The following C20orf203 variants were observed in gnomAD, a reference collection of about 807,000 sequenced individuals.
C20orf203 encodes uncharacterized protein C20orf203.
A neutral mutation model predicts 15.9 loss-of-function variants in C20orf203; 16 were observed. The observed-to-expected ratio is 1.01, with a 90% CI of 0.68 to 1.53. C20orf203 has a LOEUF of 1.53. Ranked by LOEUF, C20orf203 falls within the 40% of genes most tolerant of loss-of-function variation. The probability of loss-of-function intolerance (pLI) is 0.00; values close to 1 mark genes in which losing one functional copy is unlikely to be tolerated. For missense variants in C20orf203, 263 were observed against 247.5 expected (o/e 1.06, Z -0.42); for synonymous variants, 98 against 97.2 (o/e 1.01, Z -0.05).
intron 5 of C20orf203, among the ~76,000 whole-genome samples, chr20:32,636,828 A>T (rs1445706721): frequency 2.6e-5 from 4 of 152,096 alleles, no homozygotes; most frequent in Non-Finnish European, 4.4e-5. Context: ...TGACCCATTC[A>T]TCCTGGTCTG....
intron 4 of C20orf203, among the ~76,000 whole-genome samples, chr20:32,641,108 C>G (rs1046068744): frequency 6.6e-6 from 1 of 151,926 alleles, no homozygotes; most frequent in African/African-American, 2.4e-5. Context: ...TGCTTGAGGC[C>G]AGGAGTTCGA....
At chr20:32,666,977 T>G (rs1378959936) in intron 1 of C20orf203, among the ~76,000 whole-genome samples, 1 of 151,448 alleles carries the variant, frequency 6.6e-6, no homozygotes, top group African/African-American at 2.4e-5. Context: ...CCAATGTAAC[T>G]AAAATATTAT....
In C20orf203 at chr20:32,664,450, G is replaced by T. The variant is rs78809608; in HGVS notation, c.-264+9182C>A. On this transcript the variant is annotated intron_variant, in intron 1 of 5. Coordinates refer to ENST00000608990, the MANE Select transcript of C20orf203 (RefSeq NM_182584.4). ...AGAACACTGCCCTCACGTCCTTCCAGCCCCAGCCCTGCCACCCCACCTTGG... is the reference window on the plus strand; with the variant it reads ...AGAACACTGCCCTCACGTCCTTCCATCCCCAGCCCTGCCACCCCACCTTGG... Among the ~76,000 whole-genome samples the T allele has an allele frequency of 9.0e-3, 1,373 of 152,288 alleles. 53 individuals carry two copies. The East Asian group carries it at 0.13, about 14-fold the overall frequency.
At chr20:32,668,122 C>T (rs1568756548) in intron 1 of C20orf203, among the ~76,000 whole-genome samples, 1 of 152,170 alleles carries the variant, frequency 6.6e-6, no homozygotes, top group Non-Finnish European at 1.5e-5. Flanking sequence ...ATCCGGACAC[C>T]AGAGCATTAA....
In C20orf203 at chr20:32,650,661, T is replaced by A; in HGVS notation, c.356A>T (p.Asp119Val). ...CCGCAGCCCCCTCCCCACTTCCCTA[T>A]CTCTCCGACCCACCTTGCTGAGCCT... ...GLRLSKVGRR[D>V]REVGRGLRAP... is the part of the protein sequence containing the mutation. The change falls in exon 4 of 6, where the codon GAT (aspartate) becomes GTT (valine). Residue 119 changes from aspartate to valine, a missense_variant. By Grantham distance (152) the Asp-to-Val change is radical. Coordinates refer to ENST00000608990, the MANE Select transcript of C20orf203 (RefSeq NM_182584.4). The A allele has an allele frequency of 6.5e-7, 1 of 1,546,090 alleles. No homozygotes were observed. The highest frequency in any genetic ancestry group is 8.7e-7 in the Non-Finnish European group (1 of 1,143,968).
At chr20:32,663,218 G>A (rs561322384) in intron 1 of C20orf203, among the ~76,000 whole-genome samples, 1 of 151,938 alleles carries the variant, frequency 6.6e-6, no homozygotes, top group East Asian at 1.9e-4. Flanking sequence ...GAAGTGCTGG[G>A]ATTATAGGTG....
chr20:32,671,507 A>G (rs1983164013), intron 1 of C20orf203, among the ~76,000 whole-genome samples: 1 of 152,198 alleles, frequency 6.6e-6, no homozygotes, highest in Admixed American at 6.6e-5. Flanking sequence ...AAGAAAAAAA[A>G]TAAAGACAAA....
intron 1 of C20orf203, among the ~76,000 whole-genome samples, chr20:32,671,590 C>T (rs1983167211): frequency 6.6e-6 from 1 of 152,086 alleles, no homozygotes; most frequent in Non-Finnish European, 1.5e-5. Flanking sequence ...CGCCTATAAT[C>T]CCAGCACTTT....
At position 32,631,629 on chromosome 20, in the gene C20orf203, G is replaced by C. The variant is rs1044258124; in HGVS notation, c.*3941C>G. 1 of 152,210 alleles carries C rather than the reference G, an allele frequency of 6.6e-6. No individual in the cohort carries two copies. Among genetic ancestry groups the C allele is most frequent in the African/African-American group, 2.4e-5 (1 of 41,440 alleles). 9.4% of individuals were successfully genotyped at this position (152,210 alleles called of 1,614,324 possible). ...AACAGAATGGGGCTCAGGAGGTAAA[G>C]AGGAATTACATGGCCTTTTATTCAC... On this transcript the variant is annotated 3_prime_UTR_variant, in exon 6 of 6. Coordinates refer to ENST00000608990, the MANE Select transcript of C20orf203 (RefSeq NM_182584.4).
chr20:32,644,074 G>A (rs2062317787), intron 4 of C20orf203, among the ~76,000 whole-genome samples: 1 of 152,182 alleles, frequency 6.6e-6, no homozygotes, highest in South Asian at 2.1e-4. Context: ...CCGCACAGCT[G>A]CCTCTGGCTA....
At chr20:32,655,089 G>T (rs915927360) in intron 1 of C20orf203, among the ~76,000 whole-genome samples, 4 of 152,150 alleles carry the variant, frequency 2.6e-5, no homozygotes, top group Non-Finnish European at 4.4e-5. Flanking sequence ...GCAAAAGAAA[G>T]AGGTCAGACC....
intron 4 of C20orf203, among the ~76,000 whole-genome samples, chr20:32,641,925 C>A (rs999376253): frequency 6.6e-6 from 1 of 152,148 alleles, no homozygotes; most frequent in African/African-American, 2.4e-5. Flanking sequence ...GCAACCTCCA[C>A]CTCCCAGGCT....
chr20:32,653,085 A>G (rs559048256), intron 1 of C20orf203, among the ~76,000 whole-genome samples: 1 of 152,220 alleles, frequency 6.6e-6, no homozygotes, highest in South Asian at 2.1e-4. Context: ...GGGCCAAATG[A>G]TGGTCTGGGG....
chr20:32,658,068 T>G (rs925909889), intron 1 of C20orf203: 1 of 151,934 alleles, frequency 6.6e-6, no homozygotes, highest in Non-Finnish European at 1.5e-5. Flanking sequence ...CTGGGCACGG[T>G]GGCTCACGCC....
intron 5 of C20orf203, among the ~76,000 whole-genome samples, chr20:32,637,986 A>G (rs928157178): frequency 1.4e-5 from 2 of 143,336 alleles, no homozygotes; most frequent in African/African-American, 5.0e-5. Context: ...GTGTGTGTGC[A>G]TTGTGTACTT....
At chr20:32,645,256 A>G (rs973229004) in intron 4 of C20orf203, among the ~76,000 whole-genome samples, 1 of 152,174 alleles carries the variant, frequency 6.6e-6, no homozygotes, top group Non-Finnish European at 1.5e-5. Flanking sequence ...TTTTCTGGGT[A>G]TGCTAAGCCA....
chr20:32,639,470 A>G (rs1600925933), intron 5 of C20orf203, among the ~76,000 whole-genome samples: 2 of 152,094 alleles, frequency 1.3e-5, no homozygotes, highest in African/African-American at 4.8e-5. Context: ...CTCATCTGTA[A>G]TATGGGGTTC....
chr20:32,636,408 C>T (rs778041797), intron 5 of C20orf203, among the ~76,000 whole-genome samples: 8 of 152,172 alleles, frequency 5.3e-5, no homozygotes, highest in East Asian at 1.9e-4. Context: ...CTGGAATCAA[C>T]GAAAGGGAGA....
intron 1 of C20orf203, among the ~76,000 whole-genome samples, chr20:32,660,029 C>G (rs1982854214): frequency 2.0e-5 from 3 of 152,154 alleles, no homozygotes; most frequent in African/African-American, 7.2e-5. Context: ...ATTTGCTCTT[C>G]TCAGCAGATC....
Sources: allele counts gnomAD v4.1 joint callset (sites outside exome capture counted in the v4.1 genomes callset), GRCh38; gene constraint gnomAD v4.1.1; transcripts MANE v1.5; gene names NCBI Gene and HGNC (gene_info 2026-07-23, HGNC 2026-07-21).